Variants in SACS observed in about 807,000 individuals in gnomAD.
SACS encodes the protein sacsin.
Under a neutral mutation model 348.0 loss-of-function variants are expected in SACS, and 197 were observed. That is an observed-to-expected ratio of 0.57 (90% CI 0.50 to 0.64). The LOEUF is 0.64. Ranked by LOEUF, SACS falls within the 30% of genes least tolerant of loss-of-function variation. The probability of loss-of-function intolerance (pLI) is 0.00; values close to 1 mark genes in which losing one functional copy is unlikely to be tolerated. For missense variants in SACS, 4,999 were observed against 5,360.8 expected (o/e 0.93, Z 2.11); for synonymous variants, 1,985 against 1,910.6 (o/e 1.04, Z -1.02).
rs571928982 is a variant in SACS at position 23,342,717 on chromosome 13, A to G, written c.2186-1027T>C. On this transcript the variant is annotated intron_variant, in intron 9 of 9. Coordinates refer to ENST00000382292, the MANE Select transcript of SACS (RefSeq NM_014363.6). Reference sequence around the variant, plus strand: ...AAGTTTCCAGGAGCCACACAGCTGCATGACCTACAGAGAAGGTCATGAAGT... The same window carrying G: ...AAGTTTCCAGGAGCCACACAGCTGCGTGACCTACAGAGAAGGTCATGAAGT... Among the ~76,000 whole-genome samples, 10 of 152,362 alleles carry G rather than the reference A, an allele frequency of 6.6e-5. No individual in the cohort carries two copies. The South Asian group carries it at 1.9e-3, about 28-fold the overall frequency.
At chr13:23,386,164 A>G (rs1460747891) in intron 2 of SACS, among the ~76,000 whole-genome samples, 1 of 152,238 alleles carries the variant, frequency 6.6e-6, no homozygotes, top group Non-Finnish European at 1.5e-5. Context: ...AACAAGAGTC[A>G]ACTTGTCCTT....
intron 1 of SACS, among the ~76,000 whole-genome samples, chr13:23,425,414 G>A (rs899230013): frequency 6.6e-6 from 1 of 152,126 alleles, no homozygotes; most frequent in African/African-American, 2.4e-5. Context: ...GTTTATGCAG[G>A]GACTGGAGTC....
chr13:23,360,388 C>CAAAAAAAAAAAAAAAAAAACAAAAAA (rs869085963), intron 6 of SACS, among the ~76,000 whole-genome samples: 1 of 64,270 alleles, frequency 1.6e-5, no homozygotes. Context: ...TCTACAAAGA[C>CAAAAAAAAAAAAAAAAAAACAAAAAA]AAAAAAAAAA....
intron 1 of SACS, among the ~76,000 whole-genome samples, chr13:23,420,064 G>A (rs186588524): frequency 2.6e-5 from 4 of 152,230 alleles, no homozygotes; most frequent in African/African-American, 7.2e-5. Context: ...GTTCACCTAG[G>A]GCCCGATAGT....
In SACS at chr13:23,409,040, C is replaced by CTTTTTTTTTTTTTTTTTTTTTTTTTT. The variant is rs1175897856; in HGVS notation, c.20+2154_20+2179dup. 5.1e-4 allele frequency among the ~76,000 whole-genome samples: 18 copies of CTTTTTTTTTTTTTTTTTTTTTTTTTT among 35,122 alleles called. 6 individuals are homozygous for CTTTTTTTTTTTTTTTTTTTTTTTTTT. The highest frequency in any genetic ancestry group is 6.9e-4 in the Non-Finnish European group (14 of 20,384). 23.0% of individuals were successfully genotyped at this position (35,122 alleles called of 152,430 possible). On this transcript the variant is annotated intron_variant, in intron 2 of 9. Coordinates refer to ENST00000382292, the MANE Select transcript of SACS (RefSeq NM_014363.6). ...TATGGTCTTAATAAAACAAGTTTTACTTTTTTTTTTTTTTTTTTTTTTTTT... is the reference window on the plus strand; with the variant it reads ...TATGGTCTTAATAAAACAAGTTTTACTTTTTTTTTTTTTTTTTTTTTTTTTTTTTTTTTTTTTTTTTTTTTTTTTTT...
chr13:23,354,451 A>G, intron 8 of SACS, 68 bp downstream of exon 8: 2 of 1,333,630 alleles, frequency 1.5e-6, no homozygotes, highest in Non-Finnish European at 2.2e-6. Context: ...ACAACAAAGG[A>G]CTCTCACAGT....
At chr13:23,375,382 C>G in intron 2 of SACS, 113 bp from the exon 3 acceptor site, 1 of 1,249,248 alleles carries the variant, frequency 8.0e-7, no homozygotes, top group Non-Finnish European at 1.0e-6. Flanking sequence ...GCAGGCGCCC[C>G]TAGCGCCCGC....
intron 2 of SACS, among the ~76,000 whole-genome samples, chr13:23,380,791 C>A (rs1481941371): frequency 6.6e-6 from 1 of 152,186 alleles, no homozygotes; most frequent in Non-Finnish European, 1.5e-5. Flanking sequence ...TCCCCATATG[C>A]AGCAGTTATT....
chr13:23,336,336 A>G lies in SACS; in HGVS notation c.7540T>C (p.Cys2514Arg), dbSNP rs1868590781. 6.2e-7 allele frequency: 1 copy of G among 1,614,106 alleles called. No individual in the cohort carries two copies. Among genetic ancestry groups the G allele is most frequent in the Non-Finnish European group, 8.5e-7 (1 of 1,179,964 alleles). Residue 2514 changes from cysteine (C) to arginine (R), a missense_variant, in exon 10 of 10, where the codon TGT becomes CGT. Around this residue, in one of 6 missense-constraint regions of SACS, gnomAD observed 3,156 missense variants for 3,380.1 expected, o/e 0.93. Coordinates refer to ENST00000382292, the MANE Select transcript of SACS (RefSeq NM_014363.6). ...KALERYASNV[C>R]FTTLGTEFGQ... ...AATTCTGTGCCAAGTGTTGTAAAAC[A>G]GACATTGGATGCATATCTTTCTAAG...
intron 2 of SACS, among the ~76,000 whole-genome samples, chr13:23,407,744 C>G (rs921590254): frequency 6.6e-6 from 1 of 152,184 alleles, no homozygotes; most frequent in Non-Finnish European, 1.5e-5. Context: ...CTTTTTGACA[C>G]GGCATTGTCT....
intron 1 of SACS, among the ~76,000 whole-genome samples, chr13:23,431,220 A>C (rs924922004): frequency 6.6e-6 from 1 of 152,228 alleles, no homozygotes; most frequent in Non-Finnish European, 1.5e-5. Flanking sequence ...AACCTGAAGG[A>C]AATTGAAAGA....
At chr13:23,416,468 A>G (rs747826729) in intron 1 of SACS, among the ~76,000 whole-genome samples, 2 of 152,104 alleles carry the variant, frequency 1.3e-5, no homozygotes, top group Non-Finnish European at 2.9e-5. Context: ...GGTAAAAGAA[A>G]AAAAGTCAAC....
At chr13:23,418,852 C>T (rs1301702389) in intron 1 of SACS, 1 of 152,226 alleles carries the variant, frequency 6.6e-6, no homozygotes, top group Non-Finnish European at 1.5e-5. Flanking sequence ...TATCAAGGTG[C>T]CCATGGGTTT....
chr13:23,413,522 C>T (rs1437971484), intron 1 of SACS, among the ~76,000 whole-genome samples: 1 of 152,132 alleles, frequency 6.6e-6, no homozygotes, highest in Non-Finnish European at 1.5e-5. Flanking sequence ...AAGACCAGCT[C>T]CGGACTTCTT....
chr13:23,339,060 T>C lies in SACS; in HGVS notation c.4816A>G (p.Lys1606Glu). The C allele has an allele frequency of 1.2e-6, 2 of 1,612,874 alleles. No individual in the cohort carries two copies. Among genetic ancestry groups the C allele is most frequent in the Non-Finnish European group, 1.7e-6 (2 of 1,179,608 alleles). ...AATTTTCTAAGTCTTTTCTGTTGTT[T>C]ACTCCAATTAATTTTGATCCCAGGA... ...SNPGIKINWS[K>E]QQKRLRKFPN... Residue 1606 changes from lysine (K) to glutamate (E), a missense_variant, in exon 10 of 10, where the codon AAA becomes GAA. By Grantham distance (56) the Lys-to-Glu change is moderately conservative. This residue lies in a region of SACS where 3,156 missense variants were observed against 3,380.1 expected (regional missense o/e 0.93). Coordinates refer to ENST00000382292, the MANE Select transcript of SACS (RefSeq NM_014363.6).
chr13:23,339,792 T>C lies in SACS; in HGVS notation c.4084A>G (p.Ile1362Val). 6.2e-7 allele frequency: 1 copy of C among 1,613,794 alleles called. No individual in the cohort carries two copies. Among genetic ancestry groups the C allele is most frequent in the Non-Finnish European group, 8.5e-7 (1 of 1,179,818 alleles). ...TGATTGCTATACAGCCATCTGATAA[T>C]ATTCAACATAAGATGAAGATTTTGT... ...SKQNLHLMLN[I>V]IRWLYSNQIP... The change falls in exon 10 of 10, where the codon ATT (isoleucine) becomes GTT (valine). Residue 1362 changes from isoleucine to valine, a missense_variant. This residue lies in a region of SACS where 3,156 missense variants were observed against 3,380.1 expected (regional missense o/e 0.93). Coordinates refer to ENST00000382292, the MANE Select transcript of SACS (RefSeq NM_014363.6).
chr13:23,421,228 G>T (rs922797150), intron 1 of SACS, among the ~76,000 whole-genome samples: 40 of 152,086 alleles, frequency 2.6e-4, no homozygotes, highest in African/African-American at 9.4e-4. Flanking sequence ...TTCTCCAGGG[G>T]CCTGATGTCA....
At chr13:23,396,260 G>A (rs973865056) in intron 2 of SACS, among the ~76,000 whole-genome samples, 1 of 151,124 alleles carries the variant, frequency 6.6e-6, no homozygotes, top group Non-Finnish European at 1.5e-5. Context: ...GGAGGCAGAG[G>A]TTGCAGTGAG....
chr13:23,346,301 C>A (rs543697161), intron 9 of SACS, among the ~76,000 whole-genome samples: 2 of 152,102 alleles, frequency 1.3e-5, no homozygotes, highest in Non-Finnish European at 2.9e-5. Context: ...CCTGCCACCA[C>A]GCCTGGCTAA....
Sources: gnomAD v4.1 joint callset for allele counts (sites outside exome capture counted in the v4.1 genomes callset) on GRCh38, gnomAD v4.1.1 for gene constraint, gnomAD v4.1.1 regional missense constraint, MANE v1.5 for transcripts, NCBI Gene and HGNC (gene_info 2026-07-23, HGNC 2026-07-21) for gene names.